ANO10: variants seen among roughly 807,000 people sequenced by gnomAD.
The protein encoded by ANO10 is anoctamin-10.
A neutral mutation model predicts 74.7 loss-of-function variants in ANO10; 77 were observed. The ratio of observed to expected loss-of-function variants is 1.03; its 90% confidence interval spans 0.86 to 1.25. ANO10 has a LOEUF of 1.25. Ranked by LOEUF, ANO10 falls within the 50% of genes most tolerant of loss-of-function variation. The probability of loss-of-function intolerance (pLI) is 0.00; values close to 1 mark genes in which losing one functional copy is unlikely to be tolerated. For missense variants in ANO10, 721 were observed against 778.1 expected (o/e 0.93, Z 0.87); for synonymous variants, 279 against 284.9 (o/e 0.98, Z 0.21).
intron 12 of ANO10, chr3:43,372,829 C>CGAGCTTG: frequency 6.5e-7 from 1 of 1,535,234 alleles, no homozygotes; most frequent in Non-Finnish European, 8.7e-7. Flanking sequence ...GGAAGAGAGA[C>CGAGCTTG]CAGCTTGCAG....
At chr3:43,508,607 T>C (rs1191951533) in intron 11 of ANO10, among the ~76,000 whole-genome samples, 3 of 152,156 alleles carry the variant, frequency 2.0e-5, no homozygotes, top group Admixed American at 6.5e-5. Context: ...TGGAATACTA[T>C]GCAGCCATAA....
chr3:43,568,912 G>A (rs1173951054), intron 7 of ANO10, among the ~76,000 whole-genome samples: 4 of 148,716 alleles, frequency 2.7e-5, no homozygotes, highest in Non-Finnish European at 3.0e-5. Flanking sequence ...TTTTTTGAAA[G>A]GATCAACAAA....
chr3:43,467,256 G>A (rs2075666206), intron 11 of ANO10, among the ~76,000 whole-genome samples: 1 of 152,118 alleles, frequency 6.6e-6, no homozygotes, highest in Non-Finnish European at 1.5e-5. Flanking sequence ...ATTTACCCAA[G>A]AGAAATAAAG....
intron 4 of ANO10, among the ~76,000 whole-genome samples, chr3:43,592,255 C>T (rs1328729699): frequency 6.6e-6 from 1 of 152,220 alleles, no homozygotes; most frequent in Non-Finnish European, 1.5e-5. Context: ...AGTAGTGGTT[C>T]TCCCAGCACG....
chr3:43,372,949 C>A, intron 12 of ANO10: 2 of 1,154,868 alleles, frequency 1.7e-6, no homozygotes, highest in Non-Finnish European at 2.4e-6. Flanking sequence ...AAGAGAAAAG[C>A]CTCTTTTCTC....
At chr3:43,595,308 A>T (rs543708410) in intron 4 of ANO10, among the ~76,000 whole-genome samples, 5 of 152,242 alleles carry the variant, frequency 3.3e-5, no homozygotes, top group African/African-American at 1.2e-4. Context: ...GAGACACAAC[A>T]AAAAAAGAGA....
At chr3:43,415,069 G>A (rs1347202172) in intron 12 of ANO10, among the ~76,000 whole-genome samples, 1 of 147,694 alleles carries the variant, frequency 6.8e-6, no homozygotes, top group Non-Finnish European at 1.5e-5. Flanking sequence ...CCACCTCCTG[G>A]GTTCAAGAGA....
intron 12 of ANO10, among the ~76,000 whole-genome samples, chr3:43,378,435 G>T (rs756006347): frequency 6.6e-6 from 1 of 152,172 alleles, no homozygotes; most frequent in African/African-American, 2.4e-5. Flanking sequence ...ACTGCAGACC[G>T]CAGAGAAAGT....
intron 11 of ANO10, among the ~76,000 whole-genome samples, chr3:43,462,562 A>G (rs1311930028): frequency 6.6e-6 from 1 of 152,198 alleles, no homozygotes; most frequent in Admixed American, 6.5e-5. Context: ...GAAGCAGAGC[A>G]TAAAAGTTTG....
At chr3:43,493,667 T>A (rs2076812457) in intron 11 of ANO10, among the ~76,000 whole-genome samples, 1 of 152,028 alleles carries the variant, frequency 6.6e-6, no homozygotes, top group Non-Finnish European at 1.5e-5. Flanking sequence ...CCAATTAAGA[T>A]AAACAAACAG....
At chr3:43,469,045 T>TC (rs1254527621) in intron 11 of ANO10, among the ~76,000 whole-genome samples, 10 of 136,156 alleles carry the variant, frequency 7.3e-5, no homozygotes, top group Middle Eastern at 3.5e-3. Context: ...CTGCTTTTTT[T>TC]TTTTTTTTTT....
rs535550495 is a variant in ANO10 at position 43,581,926 on chromosome 3, G to A, written c.473-1454C>T. On this transcript the variant is annotated intron_variant, in intron 4 of 12. Transcript: ENST00000292246. ...GGGCAACAGAGCAAGACCTCATCTC[G>A]AAAAAAAAAAAGAAAAAAAAAAAAG... 6.2e-4 allele frequency among the ~76,000 whole-genome samples: 73 copies of A among 117,310 alleles called. 2 individuals are homozygous for A. The South Asian group carries it at 0.012, about 19-fold the overall frequency. The allele number at this position is 117,310 out of a possible 152,430, so 77.0% of individuals were successfully genotyped here. A position where few individuals can be genotyped will look rare whatever the true frequency, so the allele number is the denominator to read the frequency against.
At chr3:43,453,401 G>A (rs1035628330) in intron 11 of ANO10, among the ~76,000 whole-genome samples, 3 of 152,030 alleles carry the variant, frequency 2.0e-5, no homozygotes, top group Non-Finnish European at 4.4e-5. Context: ...GGATGGTCTC[G>A]ATCTCCTGAC....
At chr3:43,479,008 A>G (rs1173523170) in intron 11 of ANO10, among the ~76,000 whole-genome samples, 1 of 152,228 alleles carries the variant, frequency 6.6e-6, no homozygotes, top group Non-Finnish European at 1.5e-5. Flanking sequence ...ACTATCCTTG[A>G]GGACATAGAT....
chr3:43,513,791 T>C (rs1222723594), intron 11 of ANO10, among the ~76,000 whole-genome samples: 1 of 152,004 alleles, frequency 6.6e-6, no homozygotes, highest in Non-Finnish European at 1.5e-5. Flanking sequence ...ATTACAGGCA[T>C]TGAGCCACCG....
chr3:43,636,847 A>G (rs72622903), intron 1 of ANO10, among the ~76,000 whole-genome samples: 14,600 of 152,220 alleles, frequency 0.096, 1,377 homozygotes, highest in African/African-American at 0.24. Flanking sequence ...ACTGAAAAAC[A>G]CCTGGTCTCT....
chr3:43,601,261 G>A (rs975089426), intron 2 of ANO10, among the ~76,000 whole-genome samples: 3 of 152,090 alleles, frequency 2.0e-5, no homozygotes, highest in Admixed American at 6.5e-5. Context: ...GTTGGAGTAC[G>A]GTGGCACGAT....
intron 1 of ANO10, among the ~76,000 whole-genome samples, chr3:43,663,312 C>G (rs2083948516): frequency 6.6e-6 from 1 of 152,142 alleles, no homozygotes. Context: ...TTAATAGATG[C>G]AGAAAAGGCC....
At chr3:43,488,255 A>G (rs1490130694) in intron 11 of ANO10, among the ~76,000 whole-genome samples, 3 of 151,416 alleles carry the variant, frequency 2.0e-5, no homozygotes, top group African/African-American at 4.9e-5. Flanking sequence ...GGACATAGGC[A>G]TGGGCAAGGA....
Sources: allele counts gnomAD v4.1 joint callset (sites outside exome capture counted in the v4.1 genomes callset), GRCh38; gene constraint gnomAD v4.1.1; transcripts MANE v1.5; gene names NCBI Gene and HGNC (gene_info 2026-07-23, HGNC 2026-07-21).